Variants in SLC30A10 observed in about 807,000 individuals in gnomAD.
SLC30A10 encodes calcium/manganese antiporter SLC30A10.
SLC30A10 carries 8 observed loss-of-function variants against 21.7 expected under a neutral mutation model. That is an observed-to-expected ratio of 0.37 (90% CI 0.22 to 0.67). The LOEUF (loss-of-function observed/expected upper bound fraction) is 0.67, where lower values mean the gene tolerates loss of function less well. Among genes scored for constraint, SLC30A10 ranks in the 30% least tolerant of loss-of-function variants. The pLI is 0.58. For synonymous variants in SLC30A10, 272 were observed against 279.4 expected (o/e 0.97, Z 0.26); for missense variants, 521 against 642.5 (o/e 0.81, Z 2.04).
chr1:219,949,975 T>C (rs568521389), intron 1 of SLC30A10, among the ~76,000 whole-genome samples: 8 of 152,246 alleles, frequency 5.3e-5, no homozygotes, highest in African/African-American at 1.9e-4. Flanking sequence ...TCACCCTACC[T>C]TCCTGAAAAA....
chr1:219,926,719 G>A (rs188008062), intron 2 of SLC30A10, among the ~76,000 whole-genome samples: 2 of 152,302 alleles, frequency 1.3e-5, no homozygotes, highest in African/African-American at 4.8e-5. Flanking sequence ...AAAATGGGTT[G>A]CATGATTTAT....
intron 1 of SLC30A10, among the ~76,000 whole-genome samples, chr1:219,935,557 T>G (rs780325926): frequency 1.1e-4 from 17 of 152,240 alleles, no homozygotes; most frequent in Non-Finnish European, 2.1e-4. Flanking sequence ...AGCAAGTCAC[T>G]CAACTTCTGA....
chr1:219,943,850 A>G (rs1318045428), intron 1 of SLC30A10, among the ~76,000 whole-genome samples: 1 of 152,244 alleles, frequency 6.6e-6, no homozygotes, highest in African/African-American at 2.4e-5. Context: ...CTGTAATCCC[A>G]GCACTTTGGG....
rs114565433 is a variant in SLC30A10, at chr1:219,951,748, G to A, written n.80+6820C>T. Among the ~76,000 whole-genome samples the A allele has an allele frequency of 4.3e-3, 650 of 151,624 alleles. 1 individual carries two copies. Among genetic ancestry groups the A allele is most frequent in the Non-Finnish European group, 6.3e-3 (427 of 67,854 alleles). The stretch of plus-strand genomic sequence containing the variant: ...AAAAAAAAAGAAAAGAAAAGAAAAG[G>A]AAAGAAACAGGGACTTGGTCTGTCA... On this transcript the variant is annotated intron_variant and non_coding_transcript_variant, in intron 1 of 8. Transcript: ENST00000484239.
intron 1 of SLC30A10, among the ~76,000 whole-genome samples, chr1:219,938,285 G>T (rs894593646): frequency 1.3e-5 from 2 of 152,150 alleles, no homozygotes; most frequent in Admixed American, 1.3e-4. Context: ...TTTTTGATTT[G>T]TGTTAGGGGA....
intron 3 of SLC30A10, among the ~76,000 whole-genome samples, chr1:219,917,366 T>C (rs570053201): frequency 6.6e-6 from 1 of 152,242 alleles, no homozygotes; most frequent in South Asian, 2.1e-4. Context: ...ACAAATTTCT[T>C]TGTATATGTT....
At chr1:219,935,576 G>A (rs950455) in intron 1 of SLC30A10, among the ~76,000 whole-genome samples, 43,164 of 152,134 alleles carry the variant, frequency 0.28, 6,719 homozygotes, top group East Asian at 0.4. Flanking sequence ...GAGCCTCTAT[G>A]TTTTCATTTC....
At chr1:219,934,205 G>A (rs537059136) in intron 1 of SLC30A10, among the ~76,000 whole-genome samples, 53 of 152,116 alleles carry the variant, frequency 3.5e-4, no homozygotes, top group East Asian at 7.7e-4. Flanking sequence ...GGAGAATGGC[G>A]TGAACCCAGG....
At chr1:219,949,105 A>G (rs958596462) in intron 1 of SLC30A10, among the ~76,000 whole-genome samples, 1 of 152,126 alleles carries the variant, frequency 6.6e-6, no homozygotes, top group African/African-American at 2.4e-5. Context: ...AAAGTCAGGA[A>G]ACAACAGGTG....
intron 2 of SLC30A10, among the ~76,000 whole-genome samples, chr1:219,921,930 AGAGAGAGAGAGAGACC>A (rs1659690879): frequency 6.8e-6 from 1 of 146,852 alleles, no homozygotes; most frequent in African/African-American, 2.6e-5. Flanking sequence ...ACAGAGAGAG[AGAGAGAGAGAGAGACC>A]GAGAGAGAGA....
At chr1:219,956,393 C>T (rs1302074866) in intron 1 of SLC30A10, among the ~76,000 whole-genome samples, 1 of 152,110 alleles carries the variant, frequency 6.6e-6, no homozygotes, top group African/African-American at 2.4e-5. Context: ...ATAATGGTAA[C>T]ATAGAACATG....
chr1:219,940,072 G>A (rs1660100763), intron 1 of SLC30A10, among the ~76,000 whole-genome samples: 1 of 152,194 alleles, frequency 6.6e-6, no homozygotes, highest in African/African-American at 2.4e-5. Context: ...CCGACTCTAT[G>A]TGCTTGACAC....
Position 219,918,646 on chromosome 1 carries a change from T to C in SLC30A10, c.719-152A>G, listed in dbSNP as rs2102526867. The stretch of plus-strand genomic sequence containing the variant: ...AGAACAGTAGGATGAATCAAAATAA[T>C]GGCAACTACTTCTTAGGAAACAAAA... On this transcript the variant is annotated intron_variant, in intron 2 of 3. Coordinates refer to ENST00000366926, the MANE Select transcript of SLC30A10 (RefSeq NM_018713.3). The surrounding 1 kb of genome is among the most constrained non-coding windows in gnomAD (Gnocchi z 4.4). The C allele has an allele frequency of 1.1e-6, 1 of 876,412 alleles. No individual in the cohort carries two copies. Among genetic ancestry groups the C allele is most frequent in the Non-Finnish European group, 1.6e-6 (1 of 607,278 alleles). 54.3% of individuals were successfully genotyped at this position (876,412 alleles called of 1,614,324 possible).
chr1:219,937,224 C>T (rs1221256812), intron 1 of SLC30A10, among the ~76,000 whole-genome samples: 1 of 152,128 alleles, frequency 6.6e-6, no homozygotes, highest in Non-Finnish European at 1.5e-5. Context: ...CTGAGTACAG[C>T]CTGATATTTG....
intron 1 of SLC30A10, among the ~76,000 whole-genome samples, chr1:219,946,610 T>C (rs1660188998): frequency 6.6e-6 from 1 of 152,096 alleles, no homozygotes; most frequent in Admixed American, 6.6e-5. Flanking sequence ...ACTGGCGGGT[T>C]AGGTTGAAGA....
In SLC30A10 at chr1:219,911,149, G is replaced by GTTTTTTT; in HGVS notation, c.*4293_*4299dup. ...ATGTTTCTTCATTTTTTCTACATCAGTTTTTTTTTTTTTTTTTTTTTTTTT... is the reference window on the plus strand; with the variant it reads ...ATGTTTCTTCATTTTTTCTACATCAGTTTTTTTTTTTTTTTTTTTTTTTTTTTTTTTT... On this transcript the variant is annotated 3_prime_UTR_variant, in exon 4 of 4. Transcript: ENST00000366926. 5.5e-3 allele frequency among the ~76,000 whole-genome samples: 272 copies of GTTTTTTT among 49,332 alleles called. 21 individuals carry two copies. The highest frequency in any genetic ancestry group is 0.014 in the African/African-American group (233 of 17,094). The allele number at this position is 49,332 out of a possible 152,430, so 32.4% of individuals were successfully genotyped here.
At chr1:219,930,164 A>T (rs1316441730), upstream of SLC30A10, among the ~76,000 whole-genome samples, 1 of 151,384 alleles carries the variant, frequency 6.6e-6, no homozygotes, top group Non-Finnish European at 1.5e-5. Context: ...AAACAACAAA[A>T]AACAAACAAA....
At chr1:219,935,350 T>C (rs1329049083) in intron 1 of SLC30A10, among the ~76,000 whole-genome samples, 3 of 152,178 alleles carry the variant, frequency 2.0e-5, no homozygotes, top group African/African-American at 7.2e-5. Flanking sequence ...TATATGAACA[T>C]GAAAAAAGCC....
chr1:219,918,439 C>G lies in SLC30A10; in HGVS notation c.774G>C (p.Thr258=), dbSNP rs530548090. The stretch of plus-strand genomic sequence containing the variant: ...GGGGAAGCACATAGAATATGATGGC[C>G]GTGATGACCACAACCACGGACCCCA... ...DALGSVVVVI[T]AIIFYVLPLK... The change falls in exon 3 of 4, where the codon ACG becomes ACC. Residue 258 remains threonine (T), a synonymous_variant. Transcript: ENST00000366926. The surrounding 1 kb of genome is among the most constrained non-coding windows in gnomAD (Gnocchi z 4.4). 2 of 1,613,568 alleles carry G rather than the reference C, an allele frequency of 1.2e-6. No individual in the cohort carries two copies. Among genetic ancestry groups the G allele is most frequent in the Non-Finnish European group, 1.7e-6 (2 of 1,179,648 alleles).
Sources: allele counts gnomAD v4.1 joint callset (sites outside exome capture counted in the v4.1 genomes callset), GRCh38; gene constraint gnomAD v4.1.1; non-coding constraint Gnocchi (gnomAD v3.1); transcripts MANE v1.5; gene names NCBI Gene and HGNC (gene_info 2026-07-23, HGNC 2026-07-21).